The following GABRA3 variants were observed in gnomAD, a reference collection of about 807,000 sequenced individuals.
GABRA3 encodes gamma-aminobutyric acid receptor subunit alpha-3.
Under a neutral mutation model 30.1 loss-of-function variants are expected in GABRA3, and 10 were observed. The ratio of observed to expected loss-of-function variants is 0.33; its 90% CI spans 0.20 to 0.56. GABRA3 has a LOEUF of 0.56. Among genes scored for constraint, GABRA3 ranks in the 20% least tolerant of loss-of-function variants. The pLI, the probability that GABRA3 is intolerant of heterozygous loss-of-function variation, is 0.89. For missense variants in GABRA3, 233 were observed against 392.0 expected (o/e 0.59, Z 3.42); for synonymous variants, 151 against 146.8 (o/e 1.03, Z -0.21).
intron 1 of GABRA3, among the ~76,000 whole-genome samples, chrX:152,376,339 C>A (rs1422568591): frequency 1.8e-5 from 2 of 110,614 alleles, no homozygotes; most frequent in Non-Finnish European, 3.8e-5. Context: ...GAATCCTAAT[C>A]TCCGAGCCTG....
intron 6 of GABRA3, among the ~76,000 whole-genome samples, chrX:152,218,370 T>C (rs905821482): frequency 9.0e-6 from 1 of 111,046 alleles, no homozygotes; most frequent in East Asian, 2.8e-4. Flanking sequence ...TCTTATTGTA[T>C]AACCTAATAT....
chrX:152,280,799 G>T (rs1237547595), intron 4 of GABRA3, among the ~76,000 whole-genome samples: 2 of 110,902 alleles, frequency 1.8e-5, no homozygotes, highest in African/African-American at 6.6e-5. Flanking sequence ...GCACCTAGTG[G>T]GATCTAAGCA....
intron 1 of GABRA3, among the ~76,000 whole-genome samples, chrX:152,445,048 G>A (rs1249508461): frequency 2.0e-5 from 1 of 50,055 alleles, no homozygotes; most frequent in Admixed American, 3.3e-4. Flanking sequence ...GCAACAGAGT[G>A]AGACTCCGTC....
chrX:152,439,065 T>C (rs921710430), intron 1 of GABRA3, among the ~76,000 whole-genome samples: 1 of 110,483 alleles, frequency 9.1e-6, no homozygotes, highest in Non-Finnish European at 1.9e-5. Context: ...GGGTGGGGGA[T>C]GGGGTAACTC....
intron 1 of GABRA3, among the ~76,000 whole-genome samples, chrX:152,447,884 G>A (rs1386272608): frequency 8.9e-6 from 1 of 111,934 alleles, no homozygotes; most frequent in Non-Finnish European, 1.9e-5. Flanking sequence ...CCAAATCAGT[G>A]CCTGTCTGTG....
chrX:152,424,689 C>T (rs1461356991), intron 1 of GABRA3, among the ~76,000 whole-genome samples: 1 of 110,886 alleles, frequency 9.0e-6, no homozygotes, highest in Non-Finnish European at 1.9e-5. Context: ...CGCCAGCTAC[C>T]CTGGTATAAG....
chrX:152,417,965 T>A (rs759769626), intron 1 of GABRA3, among the ~76,000 whole-genome samples: 18 of 104,407 alleles, frequency 1.7e-4, no homozygotes, highest in African/African-American at 5.9e-4. Context: ...GCATGGCACA[T>A]GTATACATAT....
chrX:152,248,644 G>C (rs1938500505), intron 5 of GABRA3, among the ~76,000 whole-genome samples: 1 of 111,834 alleles, frequency 8.9e-6, no homozygotes, highest in African/African-American at 3.2e-5. Context: ...AGCAACTTGT[G>C]TTATCACAAA....
Position 152,402,623 on chromosome X carries a change from A to G in GABRA3, c.-26-38027T>C, listed in dbSNP as rs1929823136. Among the ~76,000 whole-genome samples, 5 of 111,570 alleles carry G rather than the reference A, an allele frequency of 4.5e-5. No individual in the cohort carries two copies. The South Asian group carries it at 1.9e-3, about 42-fold the overall frequency. On this transcript the variant is annotated intron_variant, in intron 1 of 9. Coordinates refer to ENST00000370314, the MANE Select transcript of GABRA3 (RefSeq NM_000808.4). Reference sequence around the variant, plus strand: ...GGTCCCTATGCACCTTTCTTTCCCTATGTCTCAGTTTTACTTCGAATCAGA... The same window carrying G: ...GGTCCCTATGCACCTTTCTTTCCCTGTGTCTCAGTTTTACTTCGAATCAGA...
chrX:152,206,705 C>G (rs1203623189), intron 7 of GABRA3, among the ~76,000 whole-genome samples: 1 of 111,414 alleles, frequency 9.0e-6, no homozygotes, highest in Non-Finnish European at 1.9e-5. Flanking sequence ...CCCAGACACT[C>G]CCACCACCGG....
chrX:152,300,228 A>T (rs1230179045), intron 3 of GABRA3, among the ~76,000 whole-genome samples: 1 of 112,355 alleles, frequency 8.9e-6, no homozygotes, highest in Admixed American at 9.5e-5. Context: ...TGATAATTGA[A>T]CTATGAACTT....
At chrX:152,277,201 A>G (rs1264933549) in intron 4 of GABRA3, among the ~76,000 whole-genome samples, 12 of 110,902 alleles carry the variant, frequency 1.1e-4, no homozygotes, top group African/African-American at 3.9e-4. Flanking sequence ...AAACAGGTAC[A>G]ATAATTTCAA....
At chrX:152,356,684 G>A (rs866139840) in intron 2 of GABRA3, among the ~76,000 whole-genome samples, 11 of 110,719 alleles carry the variant, frequency 9.9e-5, no homozygotes, top group African/African-American at 3.0e-4. Context: ...CAGATATTTC[G>A]TCACCCAGGT....
At chrX:152,261,822 C>A (rs1346927559) in intron 4 of GABRA3, among the ~76,000 whole-genome samples, 1 of 112,236 alleles carries the variant, frequency 8.9e-6, no homozygotes, top group Admixed American at 9.4e-5. Context: ...TTCCACTATG[C>A]GGTGCCCCAG....
At chrX:152,216,622 C>T (rs1481713279) in intron 6 of GABRA3, among the ~76,000 whole-genome samples, 9 of 108,955 alleles carry the variant, frequency 8.3e-5, no homozygotes, top group Admixed American at 3.0e-4. Context: ...AATAGAATGG[C>T]GGTTACCTGA....
At chrX:152,225,136 C>CG (rs930608271) in intron 5 of GABRA3, among the ~76,000 whole-genome samples, 3 of 109,770 alleles carry the variant, frequency 2.7e-5, no homozygotes, top group Admixed American at 9.9e-5. Context: ...AGACACCCCC[C>CG]CCAAGAAGCC....
chrX:152,372,706 C>A (rs1001670305), intron 1 of GABRA3, among the ~76,000 whole-genome samples: 3 of 112,070 alleles, frequency 2.7e-5, no homozygotes, highest in African/African-American at 9.7e-5. Flanking sequence ...GACTATGCTA[C>A]TTTCCTAAAA....
intron 3 of GABRA3, among the ~76,000 whole-genome samples, chrX:152,335,648 T>C (rs189957784): frequency 1.2e-4 from 14 of 112,174 alleles, no homozygotes; most frequent in Admixed American, 1.0e-3. Context: ...AGTGTACAAG[T>C]GCAGTTGTGT....
At chrX:152,317,574 A>G (rs1288309069) in intron 3 of GABRA3, among the ~76,000 whole-genome samples, 1 of 111,960 alleles carries the variant, frequency 8.9e-6, no homozygotes, top group Non-Finnish European at 1.9e-5. Flanking sequence ...AGGACATAAA[A>G]TAAGTCTCCA....
Sources: gnomAD v4.1 joint callset for allele counts (sites outside exome capture counted in the v4.1 genomes callset) on GRCh38, gnomAD v4.1.1 for gene constraint, MANE v1.5 for transcripts, NCBI Gene and HGNC (gene_info 2026-07-23, HGNC 2026-07-21) for gene names.